Variants in KAZN observed in about 807,000 individuals in gnomAD.
The protein encoded by KAZN is kazrin.
Under a neutral mutation model 87.4 loss-of-function variants are expected in KAZN, and 40 were observed. The ratio of observed to expected loss-of-function variants is 0.46; its 90% CI spans 0.36 to 0.60. The LOEUF is 0.60. KAZN is among the 20% of genes least tolerant of loss of function. KAZN has a pLI of 0.00. For missense variants in KAZN, 898 were observed against 1,073.9 expected (o/e 0.84, Z 2.29); for synonymous variants, 466 against 458.3 (o/e 1.02, Z -0.22).
chr1:14,814,312 T>C (rs6703773), intron 1 of KAZN, among the ~76,000 whole-genome samples: 66,244 of 151,956 alleles, frequency 0.44, 15,515 homozygotes, highest in African/African-American at 0.61. Flanking sequence ...CTGAAACCTC[T>C]GCCCCCCGGG....
intron 1 of KAZN, among the ~76,000 whole-genome samples, chr1:13,964,752 G>A (rs1180381072): frequency 6.6e-6 from 1 of 152,202 alleles, no homozygotes; most frequent in Non-Finnish European, 1.5e-5. Flanking sequence ...TTGAAGGAAG[G>A]AGGTAAAAAG....
At chr1:13,899,708 A>G (rs1393939659) in intron 1 of KAZN, among the ~76,000 whole-genome samples, 1 of 145,636 alleles carries the variant, frequency 6.9e-6, no homozygotes, top group Non-Finnish European at 1.5e-5. Context: ...CAGTGGTGCG[A>G]TCTCAGCTCA....
intron 1 of KAZN, among the ~76,000 whole-genome samples, chr1:14,032,458 A>C (rs1444503116): frequency 6.6e-6 from 1 of 152,104 alleles, no homozygotes; most frequent in Non-Finnish European, 1.5e-5. Context: ...TGTACCCTGC[A>C]GCCTATCTCA....
intron 2 of KAZN, among the ~76,000 whole-genome samples, chr1:14,319,669 C>T (rs976236862): frequency 6.6e-6 from 1 of 152,166 alleles, no homozygotes; most frequent in East Asian, 1.9e-4. Flanking sequence ...GTGTAAGCTC[C>T]GGGCAGAACA....
At chr1:13,986,805 C>T (rs1022817056) in intron 1 of KAZN, among the ~76,000 whole-genome samples, 12 of 152,314 alleles carry the variant, frequency 7.9e-5, no homozygotes, top group South Asian at 6.2e-4. Flanking sequence ...CCGGGGCCCT[C>T]GTGTCTAGAC....
chr1:15,037,090 G>A (rs1672416526), intron 3 of KAZN, among the ~76,000 whole-genome samples: 2 of 151,052 alleles, frequency 1.3e-5, no homozygotes, highest in South Asian at 4.2e-4. Flanking sequence ...TCTGCTCCCT[G>A]CCTCCCCTTC....
At chr1:14,895,171 T>C (rs993196712) in intron 1 of KAZN, among the ~76,000 whole-genome samples, 1 of 152,248 alleles carries the variant, frequency 6.6e-6, no homozygotes, top group African/African-American at 2.4e-5. Context: ...TTTATGCCTT[T>C]TTCCCCCAAC....
At chr1:15,067,335 G>C (rs1639288077) in intron 8 of KAZN, 3 of 985,396 alleles carry the variant, frequency 3.0e-6, no homozygotes, top group South Asian at 9.4e-5. Context: ...CACCCCAGGA[G>C]ACAAGAGCTG....
intron 1 of KAZN, among the ~76,000 whole-genome samples, chr1:14,796,518 A>G (rs1465027086): frequency 6.6e-6 from 1 of 152,176 alleles, no homozygotes; most frequent in Non-Finnish European, 1.5e-5. Context: ...TGCGCTACAG[A>G]CTAGGGAAAC....
At chr1:14,650,365 G>A (rs1200640994) in intron 1 of KAZN, among the ~76,000 whole-genome samples, 2 of 152,092 alleles carry the variant, frequency 1.3e-5, no homozygotes, top group Non-Finnish European at 2.9e-5. Context: ...GACCAGCCTG[G>A]ACAATATAGC....
At chr1:14,328,748 G>GAA (rs3084955) in intron 2 of KAZN, among the ~76,000 whole-genome samples, 15 of 55,926 alleles carry the variant, frequency 2.7e-4, no homozygotes, top group African/African-American at 3.7e-4. Flanking sequence ...ATCCCTAACT[G>GAA]AAAAAAAAAA....
chr1:14,195,539 A>ACACT (rs1188410956), intron 2 of KAZN, among the ~76,000 whole-genome samples: 1 of 147,930 alleles, frequency 6.8e-6, no homozygotes, highest in Non-Finnish European at 1.5e-5. Context: ...ACACACACAC[A>ACACT]CACAATCACT....
chr1:14,378,594 C>G (rs1661105654), intron 2 of KAZN, among the ~76,000 whole-genome samples: 1 of 152,162 alleles, frequency 6.6e-6, no homozygotes, highest in African/African-American at 2.4e-5. Flanking sequence ...GTGAGTGCAG[C>G]AATTATGAGA....
chr1:14,930,031 G>A (rs1659627935), intron 1 of KAZN: 1 of 985,590 alleles, frequency 1.0e-6, no homozygotes, highest in Non-Finnish European at 1.2e-6. Context: ...TTCGGAACCA[G>A]AAGAGTGTGA....
chr1:14,323,319 A>G (rs1027225609), intron 2 of KAZN, among the ~76,000 whole-genome samples: 6 of 152,118 alleles, frequency 3.9e-5, no homozygotes, highest in African/African-American at 7.2e-5. Context: ...CAATCTGATC[A>G]TGGGGCCAGG....
At chr1:14,682,788 C>T (rs574913878) in intron 1 of KAZN, among the ~76,000 whole-genome samples, 1 of 152,134 alleles carries the variant, frequency 6.6e-6, no homozygotes, top group African/African-American at 2.4e-5. Flanking sequence ...CACTCTAGAC[C>T]CAGGAGGTCT....
chr1:14,332,080 T>C (rs1656898075), intron 2 of KAZN, among the ~76,000 whole-genome samples: 1 of 152,132 alleles, frequency 6.6e-6, no homozygotes, highest in Non-Finnish European at 1.5e-5. Flanking sequence ...ATTCTTCTTT[T>C]TTTATTTTAT....
At chr1:14,601,632 C>T (rs906081987) in intron 1 of KAZN, among the ~76,000 whole-genome samples, 1 of 152,158 alleles carries the variant, frequency 6.6e-6, no homozygotes, top group Admixed American at 6.5e-5. Context: ...GATTGGGTTC[C>T]ACTTGATTCT....
At chr1:14,541,392 T>C (rs923246690) in intron 2 of KAZN, among the ~76,000 whole-genome samples, 1 of 152,210 alleles carries the variant, frequency 6.6e-6, no homozygotes, top group African/African-American at 2.4e-5. Flanking sequence ...TATGTGTTCT[T>C]CCCATTTTTA....
Sources: gnomAD v4.1 joint callset for allele counts (sites outside exome capture counted in the v4.1 genomes callset) on GRCh38, gnomAD v4.1.1 for gene constraint, MANE v1.5 for transcripts, NCBI Gene and HGNC (gene_info 2026-07-23, HGNC 2026-07-21) for gene names.